DOCK10: variants seen among roughly 807,000 people sequenced by gnomAD.
DOCK10 encodes the protein dedicator of cytokinesis 10.
In DOCK10, 145 loss-of-function variants were observed where a neutral mutation model predicts 280.1. The observed-to-expected ratio is 0.52, with a 90% CI of 0.45 to 0.59. The LOEUF is 0.59. DOCK10 is among the 20% of genes least tolerant of loss of function. The pLI is 0.00. For synonymous variants in DOCK10, 915 were observed against 942.2 expected (o/e 0.97, Z 0.53); for missense variants, 2,368 against 2,651.7 (o/e 0.89, Z 2.35).
At chr2:224,841,689 TA>T in intron 23 of DOCK10, 114 bp downstream of exon 23, 1 of 624,634 alleles carries the variant, frequency 1.6e-6, no homozygotes. Context: ...GATAAGGTAT[TA>T]AAAAATCTTG....
intron 11 of DOCK10, among the ~76,000 whole-genome samples, chr2:224,871,577 T>A (rs1033637351): frequency 6.6e-6 from 1 of 152,194 alleles, no homozygotes; most frequent in South Asian, 2.1e-4. Flanking sequence ...AGGCCCTACA[T>A]CATCTTATCT....
At chr2:224,847,597 A>T (rs191807980) in intron 19 of DOCK10, among the ~76,000 whole-genome samples, 163 of 152,356 alleles carry the variant, frequency 1.1e-3, no homozygotes, top group African/African-American at 3.7e-3. Context: ...CAGAAAATGC[A>T]TCTTCCAGAT....
intron 2 of DOCK10, among the ~76,000 whole-genome samples, chr2:224,928,811 T>A (rs114382480): frequency 0.01 from 1,580 of 152,340 alleles, 32 homozygotes; most frequent in African/African-American, 0.036. Flanking sequence ...TGTTTTGTGT[T>A]TTCCACACAG....
At chr2:224,794,796 T>C (rs1692441593) in intron 45 of DOCK10, 83 bp downstream of exon 45, 6 of 1,326,018 alleles carry the variant, frequency 4.5e-6, no homozygotes, top group Non-Finnish European at 6.4e-6. Context: ...CATCCTTTTC[T>C]AGTCCATGCT....
chr2:224,881,227 T>C (rs1030835975), intron 7 of DOCK10, among the ~76,000 whole-genome samples: 3 of 152,224 alleles, frequency 2.0e-5, no homozygotes, highest in African/African-American at 7.2e-5. Context: ...AGTGTGTTAC[T>C]TGTTTTCTTT....
intron 1 of DOCK10, among the ~76,000 whole-genome samples, chr2:225,004,563 C>T (rs1170716005): frequency 6.6e-6 from 1 of 152,226 alleles, no homozygotes; most frequent in East Asian, 1.9e-4. Flanking sequence ...AAACTGGAAG[C>T]TCAGAGAGGT....
intron 14 of DOCK10, chr2:224,861,616 C>T (rs1012602429): frequency 6.6e-6 from 1 of 152,214 alleles, no homozygotes; most frequent in African/African-American, 2.4e-5. Context: ...TCTGAATATA[C>T]ATCACTGGGA....
At chr2:224,772,239 C>A (rs1690496296) in intron 53 of DOCK10, among the ~76,000 whole-genome samples, 1 of 151,996 alleles carries the variant, frequency 6.6e-6, no homozygotes, top group Non-Finnish European at 1.5e-5. Flanking sequence ...CTTTTAGGGT[C>A]CAATATAGCT....
At chr2:224,995,446 G>A (rs1346688684) in intron 1 of DOCK10, among the ~76,000 whole-genome samples, 3 of 152,160 alleles carry the variant, frequency 2.0e-5, no homozygotes, top group Non-Finnish European at 4.4e-5. Flanking sequence ...AGCACTTATT[G>A]AACACCTATT....
At chr2:224,875,721 A>AATTT (rs1698586228) in intron 8 of DOCK10, among the ~76,000 whole-genome samples, 1 of 152,188 alleles carries the variant, frequency 6.6e-6, no homozygotes, top group African/African-American at 2.4e-5. Context: ...TGAAAGGCTA[A>AATTT]AATACCACAA....
chr2:224,991,912 C>A (rs1291172525), intron 1 of DOCK10, among the ~76,000 whole-genome samples: 1 of 152,178 alleles, frequency 6.6e-6, no homozygotes, highest in African/African-American at 2.4e-5. Context: ...ATGCATCAAT[C>A]ACTGATGTTT....
chr2:224,784,501 G>A (rs189290274), intron 50 of DOCK10, among the ~76,000 whole-genome samples: 431 of 152,334 alleles, frequency 2.8e-3, no homozygotes, highest in African/African-American at 0.01. Flanking sequence ...CCTTTAGGCA[G>A]AAAGCATGTA....
intron 4 of DOCK10, among the ~76,000 whole-genome samples, chr2:224,896,086 G>A (rs955044141): frequency 1.3e-5 from 2 of 152,096 alleles, no homozygotes; most frequent in East Asian, 3.9e-4. Flanking sequence ...TTAAATCAGA[G>A]TATATTTATA....
intron 30 of DOCK10, among the ~76,000 whole-genome samples, chr2:224,814,625 G>A (rs769303550): frequency 9.9e-5 from 15 of 152,016 alleles, no homozygotes; most frequent in South Asian, 2.1e-4. Context: ...GGATTCAAGC[G>A]ATTTTCCTGC....
In DOCK10 at chr2:224,778,198, G is replaced by C. The variant is rs770103343; in HGVS notation, c.5742C>G (p.Leu1914=). The change falls in exon 51 of 56, where the codon CTC becomes CTG. Residue 1914 remains leucine (L), a synonymous_variant. Transcript: ENST00000258390. ...TGLSEISQRL[L]KLYADKFGAD... Reference sequence around the variant, plus strand: ...CTCCAAATTTATCTGCATAGAGCTTGAGTAATCTTTGGGAAATCTCGGACA... The same window carrying C: ...CTCCAAATTTATCTGCATAGAGCTTCAGTAATCTTTGGGAAATCTCGGACA... 1.7e-5 allele frequency: 28 copies of C among 1,613,128 alleles called. No homozygotes were observed. Among genetic ancestry groups the C allele is most frequent in the Middle Eastern group, 1.7e-4 (1 of 6,056 alleles).
intron 50 of DOCK10, among the ~76,000 whole-genome samples, chr2:224,781,219 C>T (rs1278336094): frequency 3.9e-5 from 6 of 152,278 alleles, no homozygotes; most frequent in South Asian, 4.1e-4. Context: ...GCCTGGGCAA[C>T]TGAGTTTTTC....
chr2:224,955,927 C>T (rs1704010043), intron 1 of DOCK10, among the ~76,000 whole-genome samples: 1 of 152,226 alleles, frequency 6.6e-6, no homozygotes. Context: ...ATGAGAATGA[C>T]TCTCTGTCAA....
rs562282512 is a variant in DOCK10, at chr2:224,902,947, A to AC, written c.334-6571_334-6570insG. Among the ~76,000 whole-genome samples, 1,457 of 152,102 alleles carry AC rather than the reference A, an allele frequency of 9.6e-3. 15 individuals carry two copies. Among genetic ancestry groups the AC allele is most frequent in the African/African-American group, 0.033 (1,369 of 41,460 alleles). ...TCTCTACTAAAAATACAAAAAAAAAAATTAGCCGGTTGTGGTGGCAGGCGC... is the reference window on the plus strand; with the variant it reads ...TCTCTACTAAAAATACAAAAAAAAAACATTAGCCGGTTGTGGTGGCAGGCGC... On this transcript the variant is annotated intron_variant, in intron 3 of 55. Transcript: ENST00000258390.
At chr2:224,849,691 G>A (rs1319161762) in intron 18 of DOCK10, 92 bp from the exon 19 acceptor site, 1 of 825,868 alleles carries the variant, frequency 1.2e-6, no homozygotes, top group East Asian at 2.7e-5. Context: ...ACCAACCCTG[G>A]GACAATGGCA....
Sources: gnomAD v4.1 joint callset for allele counts (sites outside exome capture counted in the v4.1 genomes callset) on GRCh38, gnomAD v4.1.1 for gene constraint, MANE v1.5 for transcripts, NCBI Gene and HGNC (gene_info 2026-07-23, HGNC 2026-07-21) for gene names.